Variants in FBXL17 observed in about 807,000 individuals in gnomAD.
FBXL17 encodes the protein F-box/LRR-repeat protein 17.
A neutral mutation model predicts 66.2 loss-of-function variants in FBXL17; 22 were observed. The observed-to-expected ratio is 0.33, with a 90% CI of 0.24 to 0.47. The LOEUF (loss-of-function observed/expected upper bound fraction) is 0.47. FBXL17 is among the 20% of genes least tolerant of loss of function. FBXL17 has a pLI of 1.00. For synonymous variants in FBXL17, 474 were observed against 400.5 expected (o/e 1.18, Z -2.19); for missense variants, 878 against 948.2 (o/e 0.93, Z 0.97).
At chr5:108,350,187 G>C (rs1747552613) in intron 3 of FBXL17, among the ~76,000 whole-genome samples, 3 of 152,168 alleles carry the variant, frequency 2.0e-5, no homozygotes, top group Admixed American at 2.0e-4. Context: ...GTGAGGCTGA[G>C]GTTGGGGCTA....
chr5:108,273,218 T>C (rs1561500294), intron 4 of FBXL17, among the ~76,000 whole-genome samples: 2 of 152,066 alleles, frequency 1.3e-5, no homozygotes, highest in African/African-American at 4.8e-5. Context: ...CGGGATAGCA[T>C]TAGGAGATAT....
intron 3 of FBXL17, among the ~76,000 whole-genome samples, chr5:108,361,503 C>T (rs1045933329): frequency 6.6e-6 from 1 of 152,032 alleles, no homozygotes; most frequent in Non-Finnish European, 1.5e-5. Flanking sequence ...CTTCTTAGGT[C>T]GTTCCTGAAC....
intron 6 of FBXL17, among the ~76,000 whole-genome samples, chr5:108,131,086 T>G (rs900130814): frequency 2.9e-4 from 44 of 152,136 alleles, no homozygotes; most frequent in Admixed American, 2.2e-3. Context: ...CAAACAGGAA[T>G]AGGAACAATT....
chr5:108,323,080 A>G (rs1480335155), intron 4 of FBXL17, among the ~76,000 whole-genome samples: 1 of 151,916 alleles, frequency 6.6e-6, no homozygotes, highest in Non-Finnish European at 1.5e-5. Flanking sequence ...TCTACTTAAC[A>G]TAGTACTGAA....
chr5:108,246,172 T>TCCTCATAA (rs1756087325), intron 4 of FBXL17, among the ~76,000 whole-genome samples: 1 of 151,922 alleles, frequency 6.6e-6, no homozygotes, highest in South Asian at 2.1e-4. Flanking sequence ...CTCTCCCCCC[T>TCCTCATAA]CCTCATAATT....
chr5:108,025,007 A>T (rs1754744890), intron 6 of FBXL17, among the ~76,000 whole-genome samples: 1 of 152,206 alleles, frequency 6.6e-6, no homozygotes, highest in Non-Finnish European at 1.5e-5. Flanking sequence ...AGAGCCTTGA[A>T]TTATGGAAAA....
intron 6 of FBXL17, among the ~76,000 whole-genome samples, chr5:108,152,412 T>C (rs563448133): frequency 1.3e-5 from 2 of 152,290 alleles, no homozygotes; most frequent in Middle Eastern, 3.4e-3. Context: ...ATTTTTTTTA[T>C]TGTAGAGCTT....
intron 7 of FBXL17, among the ~76,000 whole-genome samples, chr5:107,907,430 C>G (rs956307853): frequency 2.0e-5 from 3 of 152,008 alleles, no homozygotes; most frequent in African/African-American, 7.2e-5. Flanking sequence ...CCTGGCTCAG[C>G]GCAGCTGCAA....
chr5:108,325,893 T>A (rs1221337773), intron 4 of FBXL17, among the ~76,000 whole-genome samples: 1 of 152,130 alleles, frequency 6.6e-6, no homozygotes, highest in Admixed American at 6.5e-5. Flanking sequence ...TAGCTAACAT[T>A]TTCTAGCCTA....
chr5:108,059,940 C>T (rs1580386330), intron 6 of FBXL17, among the ~76,000 whole-genome samples: 2 of 151,230 alleles, frequency 1.3e-5, no homozygotes, highest in East Asian at 3.9e-4. Context: ...ATTATATATA[C>T]ACTTTCAGCA....
chr5:108,268,770 T>C (rs1233629285), intron 4 of FBXL17, among the ~76,000 whole-genome samples: 3 of 152,112 alleles, frequency 2.0e-5, no homozygotes, highest in Admixed American at 1.3e-4. Flanking sequence ...ATGAATTACC[T>C]TGGAATGTAT....
chr5:108,118,020 G>C (rs890421017), intron 6 of FBXL17, among the ~76,000 whole-genome samples: 11 of 152,020 alleles, frequency 7.2e-5, no homozygotes, highest in Admixed American at 6.6e-4. Context: ...CCATTATTTG[G>C]CATTACCACA....
intron 7 of FBXL17, among the ~76,000 whole-genome samples, chr5:107,995,350 T>G (rs995215531): frequency 1.3e-5 from 2 of 152,318 alleles, no homozygotes; most frequent in East Asian, 1.9e-4. Flanking sequence ...TTTGAAAAAT[T>G]TGGAATAATC....
At chr5:108,060,027 A>G (rs540326523) in intron 6 of FBXL17, among the ~76,000 whole-genome samples, 68 of 150,530 alleles carry the variant, frequency 4.5e-4, no homozygotes, top group Non-Finnish European at 8.3e-4. Flanking sequence ...TCCTGAATAT[A>G]TATATTTACA....
intron 4 of FBXL17, among the ~76,000 whole-genome samples, chr5:108,293,604 C>A (rs1317709906): frequency 6.6e-6 from 1 of 152,120 alleles, no homozygotes; most frequent in African/African-American, 2.4e-5. Flanking sequence ...ATAAACCAGA[C>A]TTGCTTGCTA....
chr5:108,012,979 A>G (rs945784368), intron 7 of FBXL17, among the ~76,000 whole-genome samples: 3 of 140,906 alleles, frequency 2.1e-5, no homozygotes, highest in Middle Eastern at 3.9e-3. Flanking sequence ...GCACCATTGC[A>G]TTCCAGTCTG....
In FBXL17 at chr5:108,093,592, G is replaced by A. The variant is rs1212061385; in HGVS notation, c.1746-72591C>T. Among the ~76,000 whole-genome samples, 3 of 152,078 alleles carry A rather than the reference G, an allele frequency of 2.0e-5. No homozygotes were observed. The East Asian group carries it at 5.8e-4, about 29-fold the overall frequency. ...ATGAAAAAGTATTTTATCATACAGT[G>A]TTTACTGCCTTAGAAGAATTTCCTT... is the stretch of plus-strand genomic sequence containing the variant. On this transcript the variant is annotated intron_variant, in intron 6 of 8. Coordinates refer to ENST00000542267, the MANE Select transcript of FBXL17 (RefSeq NM_001163315.3).
At chr5:108,276,670 C>A (rs1376079163) in intron 4 of FBXL17, among the ~76,000 whole-genome samples, 1 of 151,966 alleles carries the variant, frequency 6.6e-6, no homozygotes, top group Non-Finnish European at 1.5e-5. Flanking sequence ...CAGCATATGC[C>A]AATCCAAACA....
chr5:108,023,774 CAA>C (rs1754690741), intron 6 of FBXL17, among the ~76,000 whole-genome samples: 1 of 152,036 alleles, frequency 6.6e-6, no homozygotes, highest in African/African-American at 2.4e-5. Context: ...ATGCAAAAAA[CAA>C]AGTCATAAAT....
Sources: gnomAD v4.1 joint callset for allele counts (sites outside exome capture counted in the v4.1 genomes callset) on GRCh38, gnomAD v4.1.1 for gene constraint, MANE v1.5 for transcripts, NCBI Gene and HGNC (gene_info 2026-07-23, HGNC 2026-07-21) for gene names.